The following IQCM variants were observed in gnomAD, a reference collection of about 807,000 sequenced individuals.
IQCM encodes IQ domain-containing protein M.
IQCM carries 45 observed loss-of-function variants against 57.6 expected under a neutral mutation model. That is an observed-to-expected ratio of 0.78 (90% CI 0.62 to 1.00). The LOEUF (loss-of-function observed/expected upper bound fraction) is 1.00, where lower values mean the gene tolerates loss of function less well. IQCM is among the 50% of genes least tolerant of loss of function. The pLI is 0.00. For missense variants in IQCM, 468 were observed against 511.6 expected (o/e 0.91, Z 0.82); for synonymous variants, 148 against 158.9 (o/e 0.93, Z 0.51).
At chr4:149,810,959 T>C (rs1712430023) in intron 2 of IQCM, among the ~76,000 whole-genome samples, 1 of 152,156 alleles carries the variant, frequency 6.6e-6, no homozygotes, top group South Asian at 2.1e-4. Context: ...AGGTGGTGCC[T>C]GAACCCTGCT....
At chr4:149,552,356 C>G (rs983607596) in intron 11 of IQCM, among the ~76,000 whole-genome samples, 8 of 152,024 alleles carry the variant, frequency 5.3e-5, no homozygotes, top group Non-Finnish European at 1.0e-4. Context: ...ACATTTTTAC[C>G]CATAAAGCAG....
chr4:149,369,076 G>A (rs1386923977), intron 13 of IQCM, among the ~76,000 whole-genome samples: 8 of 129,440 alleles, frequency 6.2e-5, no homozygotes, highest in African/African-American at 2.3e-4. Context: ...ATGGAGTCTC[G>A]CTCTGTCACC....
At chr4:149,382,518 G>A (rs1431390117) in intron 13 of IQCM, among the ~76,000 whole-genome samples, 1 of 151,966 alleles carries the variant, frequency 6.6e-6, no homozygotes, top group Non-Finnish European at 1.5e-5. Flanking sequence ...TGACACCATG[G>A]CATATTATAA....
At chr4:149,660,312 C>A (rs1185936273) in intron 7 of IQCM, among the ~76,000 whole-genome samples, 3 of 152,050 alleles carry the variant, frequency 2.0e-5, no homozygotes, top group Non-Finnish European at 2.9e-5. Flanking sequence ...GAATGGCAAT[C>A]ATTAAAAAGT....
intron 9 of IQCM, among the ~76,000 whole-genome samples, chr4:149,564,104 C>T (rs1283031669): frequency 6.6e-6 from 1 of 152,024 alleles, no homozygotes; most frequent in Non-Finnish European, 1.5e-5. Flanking sequence ...TAAAACTAAC[C>T]TTCTAATGAA....
intron 12 of IQCM, among the ~76,000 whole-genome samples, chr4:149,502,899 G>A (rs1260418813): frequency 2.6e-5 from 4 of 151,830 alleles, no homozygotes; most frequent in African/African-American, 4.8e-5. Context: ...GCTATGTGTT[G>A]TTCCTAAACA....
At chr4:149,759,403 G>A (rs72728509) in intron 2 of IQCM, among the ~76,000 whole-genome samples, 59,305 of 151,978 alleles carry the variant, frequency 0.39, 14,149 homozygotes, top group Middle Eastern at 0.54. Flanking sequence ...TAAACTATGG[G>A]TGTTGGGCAA....
At chr4:149,714,678 T>C (rs1764847438) in intron 5 of IQCM, among the ~76,000 whole-genome samples, 1 of 152,052 alleles carries the variant, frequency 6.6e-6, no homozygotes, top group African/African-American at 2.4e-5. Context: ...AGTAAAAGAT[T>C]AACAACAATA....
chr4:149,581,964 CG>C (rs1389938400), intron 9 of IQCM, among the ~76,000 whole-genome samples: 1 of 151,202 alleles, frequency 6.6e-6, no homozygotes, highest in Admixed American at 6.6e-5. Flanking sequence ...TGCCTTGGAG[CG>C]GGGAGGTTTG....
At chr4:149,476,963 C>T (rs1290413656) in intron 12 of IQCM, among the ~76,000 whole-genome samples, 2 of 152,126 alleles carry the variant, frequency 1.3e-5, no homozygotes, top group Non-Finnish European at 2.9e-5. Flanking sequence ...AAAAGAGCCT[C>T]ACAAATACAG....
intron 2 of IQCM, among the ~76,000 whole-genome samples, chr4:149,794,751 A>T: frequency 6.6e-6 from 1 of 152,168 alleles, no homozygotes; most frequent in East Asian, 1.9e-4. Context: ...AAGCTGTAAG[A>T]TAAAGTCAAG....
intron 12 of IQCM, among the ~76,000 whole-genome samples, chr4:149,439,496 A>G (rs1219503728): frequency 6.6e-6 from 1 of 152,070 alleles, no homozygotes; most frequent in African/African-American, 2.4e-5. Context: ...TTTAGTTAAT[A>G]ACTCCAATAG....
chr4:149,682,719 T>C (rs1438620064), intron 6 of IQCM, among the ~76,000 whole-genome samples: 2 of 151,216 alleles, frequency 1.3e-5, no homozygotes, highest in Admixed American at 1.3e-4. Flanking sequence ...GGCCAGCATT[T>C]AGGGCACTAT....
intron 2 of IQCM, among the ~76,000 whole-genome samples, chr4:149,769,138 C>T (rs972459823): frequency 2.0e-5 from 3 of 152,012 alleles, no homozygotes; most frequent in African/African-American, 7.2e-5. Flanking sequence ...TCCTAAACTA[C>T]AGATTCTATC....
intron 12 of IQCM, among the ~76,000 whole-genome samples, chr4:149,504,904 G>C (rs573616080): frequency 3.3e-5 from 5 of 152,224 alleles, no homozygotes; most frequent in African/African-American, 1.2e-4. Context: ...ACAACAGAGA[G>C]AGAGAGAGAG....
chr4:149,663,875 C>T (rs1760453055), intron 7 of IQCM, among the ~76,000 whole-genome samples: 1 of 152,036 alleles, frequency 6.6e-6, no homozygotes, highest in Non-Finnish European at 1.5e-5. Context: ...ATGTCTTTCC[C>T]TAGACTTGGG....
chr4:149,518,936 G>C (rs1481931631), intron 12 of IQCM, among the ~76,000 whole-genome samples: 2 of 152,166 alleles, frequency 1.3e-5, no homozygotes, highest in African/African-American at 2.4e-5. Context: ...GAAACAAAGA[G>C]AGAATATTAA....
intron 5 of IQCM, among the ~76,000 whole-genome samples, chr4:149,712,354 A>C (rs1764632262): frequency 6.6e-6 from 1 of 151,384 alleles, no homozygotes; most frequent in South Asian, 2.1e-4. Flanking sequence ...GTTCACACAC[A>C]CACACACACA....
chr4:149,368,005 T>G (rs1560778011), intron 13 of IQCM, among the ~76,000 whole-genome samples: 2 of 152,096 alleles, frequency 1.3e-5, no homozygotes, highest in South Asian at 4.1e-4. Context: ...TTCTCTATTT[T>G]AAGTAGCTCA....
Sources: allele counts gnomAD v4.1 joint callset (sites outside exome capture counted in the v4.1 genomes callset), GRCh38; gene constraint gnomAD v4.1.1; transcripts MANE v1.5; gene names NCBI Gene and HGNC (gene_info 2026-07-23, HGNC 2026-07-21).